COG3: variants seen among roughly 807,000 people sequenced by gnomAD.
COG3 encodes the protein component of oligomeric golgi complex 3.
COG3 carries 32 observed loss-of-function variants against 114.1 expected under a neutral mutation model. The ratio of observed to expected loss-of-function variants is 0.28; its 90% CI spans 0.21 to 0.38. COG3 has a LOEUF of 0.38. Among genes scored for constraint, COG3 ranks in the 10% least tolerant of loss-of-function variants. COG3 has a pLI of 1.00. For missense variants in COG3, 813 were observed against 973.2 expected, an observed-to-expected ratio of 0.84 and a Z score of 2.19; for synonymous variants, 352 against 365.7, an observed-to-expected ratio of 0.96 and a Z score of 0.43.
At chr13:45,465,350 A>AG (rs1351057654) in intron 1 of COG3, 140 bp downstream of exon 1, 1 of 1,344,604 alleles carries the variant, frequency 7.4e-7, no homozygotes, top group Non-Finnish European at 9.8e-7. Flanking sequence ...ATCCGGTGGG[A>AG]GGGGCCTCAT....
chr13:45,534,647 C>G lies in COG3; in HGVS notation c.2458-55C>G, dbSNP rs532046744. The G allele has an allele frequency of 1.2e-3, 1,694 of 1,386,138 alleles. 45 individuals carry two copies. In the South Asian group the frequency reaches 0.021, roughly 17 times the overall value. 85.9% of individuals were successfully genotyped at this position (1,386,138 alleles called of 1,614,324 possible). On this transcript the variant is annotated intron_variant, in intron 22 of 22. Coordinates refer to ENST00000349995, the MANE Select transcript of COG3 (RefSeq NM_031431.4). ...TGGTTCCCCTCCCTCCTTGACTTTT[C>G]TTGAGGACGGTATTCCATAGGAGAA...
At chr13:45,491,035 G>T in intron 9 of COG3, 77 bp downstream of exon 9, 1 of 947,998 alleles carries the variant, frequency 1.1e-6, no homozygotes, top group Admixed American at 2.2e-5. Context: ...CTGGATCTCT[G>T]ATATTTTATG....
chr13:45,500,040 ATGTGTG>A (rs1273258218), intron 13 of COG3, among the ~76,000 whole-genome samples: 4 of 136,888 alleles, frequency 2.9e-5, no homozygotes, highest in East Asian at 2.1e-4. Context: ...ATATATATGT[ATGTGTG>A]TGTGTGTGTG....
intron 8 of COG3, among the ~76,000 whole-genome samples, chr13:45,487,314 T>C (rs1449136857): frequency 1.3e-5 from 2 of 152,144 alleles, no homozygotes; most frequent in Non-Finnish European, 2.9e-5. Context: ...GGGAAATGTT[T>C]TAGGACATTG....
chr13:45,506,982 C>A (rs953175003), intron 14 of COG3, among the ~76,000 whole-genome samples: 2 of 152,130 alleles, frequency 1.3e-5, no homozygotes, highest in African/African-American at 4.8e-5. Flanking sequence ...CCGTGGAGGA[C>A]GACGGAGGCA....
intron 7 of COG3, among the ~76,000 whole-genome samples, chr13:45,485,027 G>C (rs1340950137): frequency 4.4e-5 from 6 of 137,898 alleles, no homozygotes; most frequent in African/African-American, 1.3e-4. Flanking sequence ...GCAACCATCC[G>C]ATCTCTCAAT....
At chr13:45,470,751 A>G (rs962813491) in intron 1 of COG3, among the ~76,000 whole-genome samples, 1 of 152,210 alleles carries the variant, frequency 6.6e-6, no homozygotes, top group Non-Finnish European at 1.5e-5. Flanking sequence ...ATATGGGTCT[A>G]GGTGATGTTG....
At chr13:45,469,018 G>C (rs1448264847) in intron 1 of COG3, among the ~76,000 whole-genome samples, 6 of 152,164 alleles carry the variant, frequency 3.9e-5, no homozygotes, top group Non-Finnish European at 7.3e-5. Context: ...AAAGCAACTT[G>C]TTTTGCTACT....
chr13:45,498,951 C>T (rs573651283), intron 13 of COG3, among the ~76,000 whole-genome samples: 1 of 152,106 alleles, frequency 6.6e-6, no homozygotes, highest in South Asian at 2.1e-4. Context: ...AGGAATGTTT[C>T]ACATTCCTTG....
chr13:45,528,837 C>G (rs1444290601), intron 20 of COG3, among the ~76,000 whole-genome samples: 1 of 152,042 alleles, frequency 6.6e-6, no homozygotes, highest in Non-Finnish European at 1.5e-5. Context: ...TTTGTTTTTC[C>G]TTATACTCTT....
intron 13 of COG3, among the ~76,000 whole-genome samples, chr13:45,501,158 A>G (rs2896793): frequency 0.37 from 55,913 of 152,096 alleles, 11,092 homozygotes; most frequent in Middle Eastern, 0.55. Flanking sequence ...CACTTTCCAC[A>G]CTGTACTCTT....
intron 16 of COG3, among the ~76,000 whole-genome samples, chr13:45,514,411 T>C (rs1871317177): frequency 6.6e-6 from 1 of 152,154 alleles, no homozygotes; most frequent in Non-Finnish European, 1.5e-5. Context: ...TCCACCCGCC[T>C]TGGCCTCCCA....
chr13:45,508,068 TAAAAAAAAAAAAAAA>T (rs10571583), intron 14 of COG3, among the ~76,000 whole-genome samples: 12 of 32,270 alleles, frequency 3.7e-4, no homozygotes, highest in East Asian at 1.4e-3. Flanking sequence ...AGGTCCAACC[TAAAAAAAAAAAAAAA>T]AAAAAAAAAA....
chr13:45,519,820 A>T (rs1333339022), intron 19 of COG3, among the ~76,000 whole-genome samples: 1 of 152,218 alleles, frequency 6.6e-6, no homozygotes, highest in Non-Finnish European at 1.5e-5. Flanking sequence ...ATATGTGTGG[A>T]TAGTATATTC....
chr13:45,530,804 T>C (rs1873107034), intron 22 of COG3, 24 bp downstream of exon 22: 5 of 1,601,414 alleles, frequency 3.1e-6, no homozygotes, highest in Non-Finnish European at 4.3e-6. Flanking sequence ...TGAAGATCCT[T>C]ATTACTTTTA....
At position 45,491,488 on chromosome 13, in the gene COG3, T is replaced by A. The variant is rs766746956; in HGVS notation, c.1045T>A (p.Cys349Ser). 20 of 1,613,700 alleles carry A rather than the reference T, an allele frequency of 1.2e-5. No homozygotes were observed. The South Asian group carries it at 2.2e-4, about 18-fold the overall frequency. Reference sequence around the variant, plus strand: ...GCTCCTTTTGGGCCCTAGTATTGCTTGCACTGTTGCAGAGTTAACCAGCCA... The same window carrying A: ...GCTCCTTTTGGGCCCTAGTATTGCTAGCACTGTTGCAGAGTTAACCAGCCA... ...RELLLGPSIA[C>S]TVAELTSQNN... is the part of the protein sequence containing the mutation. The change falls in exon 10 of 23, where the codon TGC becomes AGC. Residue 349 changes from cysteine (C) to serine (S), a missense_variant. Around this residue, in one of 2 missense-constraint regions of COG3, gnomAD observed 424 missense variants for 430.6 expected, o/e 0.98. Transcript: ENST00000349995.
intron 2 of COG3, among the ~76,000 whole-genome samples, chr13:45,477,949 C>T (rs1885987289): frequency 6.6e-6 from 1 of 152,010 alleles, no homozygotes; most frequent in African/African-American, 2.4e-5. Flanking sequence ...TCTTAAACCA[C>T]TCTGTAATAT....
Position 45,492,261 on chromosome 13 carries a change from A to G in COG3, c.1187+11A>G, listed in dbSNP as rs749044366. ...AACATCAAAATTAGAGTAGGTGGAC[A>G]TGGAATCTAACTCTTGTTCATAAAA... On this transcript the variant is annotated intron_variant, in intron 11 of 22. Coordinates refer to ENST00000349995, the MANE Select transcript of COG3 (RefSeq NM_031431.4). 3 of 1,498,186 alleles carry G rather than the reference A, an allele frequency of 2.0e-6. No homozygotes were observed. The highest frequency in any genetic ancestry group is 1.1e-5 in the South Asian group (1 of 87,308). 92.8% of individuals were successfully genotyped at this position (1,498,186 alleles called of 1,614,324 possible). A position where few individuals can be genotyped will look rare whatever the true frequency, so the allele number is the denominator to read the frequency against.
chr13:45,521,431 T>A (rs1872122433), intron 19 of COG3, among the ~76,000 whole-genome samples: 1 of 152,194 alleles, frequency 6.6e-6, no homozygotes, highest in African/African-American at 2.4e-5. Flanking sequence ...CTGTCAACCC[T>A]GGGCCCTCAC....
Sources: allele counts gnomAD v4.1 joint callset (sites outside exome capture counted in the v4.1 genomes callset), GRCh38; gene constraint gnomAD v4.1.1; regional missense constraint gnomAD v4.1.1; transcripts MANE v1.5; gene names NCBI Gene and HGNC (gene_info 2026-07-23, HGNC 2026-07-21).